CYTH1: variants seen among roughly 807,000 people sequenced by gnomAD.
CYTH1 encodes cytohesin-1.
A neutral mutation model predicts 61.8 loss-of-function variants in CYTH1; 18 were observed. That is an observed-to-expected ratio of 0.29 (90% confidence interval 0.20 to 0.43). The LOEUF (loss-of-function observed/expected upper bound fraction) is 0.43, where lower values mean the gene tolerates loss of function less well. Among genes scored for constraint, CYTH1 ranks in the 20% least tolerant of loss-of-function variants. CYTH1 has a pLI of 1.00. For synonymous variants in CYTH1, 174 were observed against 184.3 expected (o/e 0.94, Z 0.45); for missense variants, 336 against 510.5 (o/e 0.66, Z 3.29).
In CYTH1 at chr17:78,712,684, A is replaced by T. The variant is rs141955089; in HGVS notation, c.23-2952T>A. Reference sequence around the variant, plus strand: ...AAATAATAATAATAATAATATAAAAAATAAAAAATAATTATTTCATAATCA... The same window carrying T: ...AAATAATAATAATAATAATATAAAATATAAAAAATAATTATTTCATAATCA... On this transcript the variant is annotated intron_variant, in intron 1 of 13. Transcript: ENST00000446868. Among the ~76,000 whole-genome samples the T allele has an allele frequency of 9.6e-3, 1,458 of 151,982 alleles. 15 individuals are homozygous for T. The highest frequency in any genetic ancestry group is 0.017 in the Non-Finnish European group (1,134 of 67,990).
At chr17:78,758,591 C>G (rs890372340) in intron 1 of CYTH1, among the ~76,000 whole-genome samples, 1 of 152,112 alleles carries the variant, frequency 6.6e-6, no homozygotes, top group Non-Finnish European at 1.5e-5. Flanking sequence ...GTAATCCCAG[C>G]TACTCGCTAG....
chr17:78,760,384 TAC>T lies in CYTH1; in HGVS notation c.22+21816_22+21817del, dbSNP rs1555615252. On this transcript the variant is annotated intron_variant, in intron 1 of 13. Transcript: ENST00000446868. ...ATATATATATATATATATATATATATACACACACATACATATATATATGTGTA... is the reference window on the plus strand; with the variant it reads ...ATATATATATATATATATATATATATACACACATACATATATATATGTGTA... 1.8e-3 allele frequency among the ~76,000 whole-genome samples: 90 copies of T among 51,382 alleles called. 5 individuals are homozygous for T. In the South Asian group the frequency reaches 0.02, roughly 12 times the overall value. 33.7% of individuals were successfully genotyped at this position (51,382 alleles called of 152,430 possible).
intron 1 of CYTH1, among the ~76,000 whole-genome samples, chr17:78,744,846 A>C (rs2093353803): frequency 1.3e-5 from 1 of 77,082 alleles, no homozygotes; most frequent in Non-Finnish European, 2.7e-5. Context: ...ATTAGATGTC[A>C]AAAAAAAAAA....
intron 1 of CYTH1, among the ~76,000 whole-genome samples, chr17:78,722,577 G>A (rs1272185774): frequency 6.6e-6 from 1 of 152,134 alleles, no homozygotes; most frequent in East Asian, 1.9e-4. Flanking sequence ...TGCACAGCTG[G>A]GCCACGACAC....
At position 78,709,771 on chromosome 17, in the gene CYTH1, T is replaced by A. The variant is rs763050330; in HGVS notation, c.23-39A>T. The A allele has an allele frequency of 3.8e-6, 6 of 1,599,364 alleles. No homozygotes were observed. In the South Asian group the frequency reaches 6.7e-5, roughly 18 times the overall value. ...GGGCAATGTTACAAGAAAGCTTTTA[T>A]CTCGCCAAAAATCAAGGAAGATCCA... On this transcript the variant is annotated intron_variant, in intron 1 of 13. Transcript: ENST00000446868.
chr17:78,729,942 T>C (rs1180790958), intron 1 of CYTH1, among the ~76,000 whole-genome samples: 1 of 152,184 alleles, frequency 6.6e-6, no homozygotes, highest in African/African-American at 2.4e-5. Context: ...CCTATCTGTA[T>C]ATCTGGATCC....
chr17:78,719,021 G>A (rs2144519094), intron 1 of CYTH1, among the ~76,000 whole-genome samples: 1 of 152,310 alleles, frequency 6.6e-6, no homozygotes, highest in Non-Finnish European at 1.5e-5. Context: ...AGCAGTCCCT[G>A]GAAGCATCCA....
At chr17:78,758,711 T>C (rs2144700818) in intron 1 of CYTH1, among the ~76,000 whole-genome samples, 1 of 150,934 alleles carries the variant, frequency 6.6e-6, no homozygotes, top group Middle Eastern at 3.4e-3. Context: ...CGAAACTCCA[T>C]CTCAAAAAAA....
intron 1 of CYTH1, among the ~76,000 whole-genome samples, chr17:78,710,860 G>A (rs1246742307): frequency 6.6e-6 from 1 of 152,150 alleles, no homozygotes. Context: ...CCTTCAGTGG[G>A]TGCCTATGTG....
chr17:78,687,456 G>C (rs1383869709), intron 11 of CYTH1, among the ~76,000 whole-genome samples: 2 of 152,310 alleles, frequency 1.3e-5, no homozygotes, highest in East Asian at 1.9e-4. Context: ...TGTCATTTGC[G>C]ATCTCAAGCA....
At chr17:78,775,307 C>T (rs963732060) in intron 1 of CYTH1, among the ~76,000 whole-genome samples, 1 of 152,198 alleles carries the variant, frequency 6.6e-6, no homozygotes, top group East Asian at 1.9e-4. Context: ...TTGAAAGCCT[C>T]GGGTGCTAAG....
In CYTH1 at chr17:78,777,127, C is replaced by CA. The variant is rs756083436; in HGVS notation, c.22+5074dup. Among the ~76,000 whole-genome samples the CA allele has an allele frequency of 5.8e-3, 522 of 89,724 alleles. 5 individuals carry two copies. The highest frequency in any genetic ancestry group is 0.012 in the African/African-American group (289 of 24,012). 58.9% of individuals were successfully genotyped at this position (89,724 alleles called of 152,430 possible). A position where few individuals can be genotyped will look rare whatever the true frequency, so the allele number is the denominator to read the frequency against. On this transcript the variant is annotated intron_variant, in intron 1 of 13. Coordinates refer to ENST00000446868, the MANE Select transcript of CYTH1 (RefSeq NM_004762.6). ...GCAACAAGAGTGAAACTCTGTCTCACAAAAAAAAAAAAATAAGGCCGGGCG... is the reference window on the plus strand; with the variant it reads ...GCAACAAGAGTGAAACTCTGTCTCACAAAAAAAAAAAAAATAAGGCCGGGCG...
chr17:78,775,621 TA>T (rs1321761406), intron 1 of CYTH1, among the ~76,000 whole-genome samples: 1 of 152,220 alleles, frequency 6.6e-6, no homozygotes, highest in Non-Finnish European at 1.5e-5. Flanking sequence ...GAACTCAATG[TA>T]AAAATTACAT....
intron 1 of CYTH1, among the ~76,000 whole-genome samples, chr17:78,746,898 C>A (rs539271434): frequency 1.3e-5 from 2 of 152,070 alleles, no homozygotes; most frequent in East Asian, 3.9e-4. Flanking sequence ...GAGCTGTCAT[C>A]ACCCCACTGC....
At chr17:78,765,653 CAGAAG>C (rs1260757310) in intron 1 of CYTH1, among the ~76,000 whole-genome samples, 1 of 152,056 alleles carries the variant, frequency 6.6e-6, no homozygotes, top group African/African-American at 2.4e-5. Context: ...CCTGACTAAA[CAGAAG>C]GTTTAGTCAG....
chr17:78,709,536 T>A (rs771560933), intron 2 of CYTH1, 114 bp downstream of exon 2: 259 of 991,266 alleles, frequency 2.6e-4, no homozygotes, highest in Non-Finnish European at 2.9e-4. Context: ...AGAGCTGTAG[T>A]GAGGGCAGGT....
intron 1 of CYTH1, among the ~76,000 whole-genome samples, chr17:78,764,818 A>T (rs569797995): frequency 6.6e-6 from 1 of 152,152 alleles, no homozygotes; most frequent in South Asian, 2.1e-4. Flanking sequence ...TGCACATGGG[A>T]TAGGGGAGAG....
At chr17:78,691,445 T>C (rs1259271470) in intron 11 of CYTH1, 1 of 152,250 alleles carries the variant, frequency 6.6e-6, no homozygotes, top group East Asian at 1.9e-4. Context: ...CTGGTGAATA[T>C]GGTCAGGATT....
intron 13 of CYTH1, chr17:78,678,469 T>C (rs970298318): frequency 6.6e-6 from 1 of 152,226 alleles, no homozygotes; most frequent in Non-Finnish European, 1.5e-5. Context: ...AATGAATCCA[T>C]AAATGGTGTC....
Sources: gnomAD v4.1 joint callset for allele counts (sites outside exome capture counted in the v4.1 genomes callset) on GRCh38, gnomAD v4.1.1 for gene constraint, MANE v1.5 for transcripts, NCBI Gene and HGNC (gene_info 2026-07-23, HGNC 2026-07-21) for gene names.